Variants in KIAA1549L observed in about 807,000 individuals in gnomAD.
KIAA1549L encodes UPF0606 protein KIAA1549L.
KIAA1549L carries 88 observed loss-of-function variants against 160.7 expected under a neutral mutation model. The ratio of observed to expected loss-of-function variants is 0.55; its 90% CI spans 0.46 to 0.65. The LOEUF (loss-of-function observed/expected upper bound fraction) is 0.65, where lower values mean the gene tolerates loss of function less well. Ranked by LOEUF, KIAA1549L falls within the 30% of genes least tolerant of loss-of-function variation. KIAA1549L has a pLI of 0.00. For synonymous variants in KIAA1549L, 950 were observed against 976.7 expected (o/e 0.97, Z 0.51); for missense variants, 2,258 against 2,437.5 (o/e 0.93, Z 1.55).
chr11:33,617,133 C>CAAAA (rs59233344), intron 15 of KIAA1549L, among the ~76,000 whole-genome samples: 3,065 of 89,468 alleles, frequency 0.034, 139 homozygotes, highest in African/African-American at 0.11. Context: ...GAGATTCTAT[C>CAAAA]AAAAAAAAAA....
chr11:33,446,940 A>AC (rs1346878911), intron 1 of KIAA1549L, among the ~76,000 whole-genome samples: 2 of 152,040 alleles, frequency 1.3e-5, no homozygotes, highest in African/African-American at 4.8e-5. Context: ...TAGGGAAGGG[A>AC]CTCTACACAA....
intron 1 of KIAA1549L, among the ~76,000 whole-genome samples, chr11:33,399,727 T>C (rs996869743): frequency 3.9e-5 from 6 of 152,230 alleles, no homozygotes; most frequent in African/African-American, 1.4e-4. Context: ...TGTGCCTACC[T>C]TGGGCTTTTT....
chr11:33,391,528 C>T (rs766988911), intron 1 of KIAA1549L, among the ~76,000 whole-genome samples: 8 of 152,334 alleles, frequency 5.3e-5, no homozygotes, highest in Middle Eastern at 3.4e-3. Context: ...CCACTTCCGA[C>T]GGCGTGTCTG....
At chr11:33,385,881 T>C (rs1850163856) in intron 1 of KIAA1549L, among the ~76,000 whole-genome samples, 1 of 152,196 alleles carries the variant, frequency 6.6e-6, no homozygotes, top group Non-Finnish European at 1.5e-5. Context: ...CTTTGGCATA[T>C]AGTAATAGAA....
In KIAA1549L at chr11:33,660,882, G is replaced by T. The variant is rs1228811063; in HGVS notation, c.6027G>T (p.Val2009=). 2.0e-5 allele frequency: 33 copies of T among 1,613,820 alleles called. No individual in the cohort carries two copies. Among genetic ancestry groups the T allele is most frequent in the Non-Finnish European group, 2.8e-5 (33 of 1,179,844 alleles). The change falls in exon 20 of 21, where the codon GTG becomes GTT. Residue 2009 remains valine, a synonymous_variant. Transcript: ENST00000658780. ...LNYSGNTVPA[V]FAIPAANRPG... ...TGCCAGGTAATACGGTGCCAGCAGT[G>T]TTCGCCATCCCAGCTGCCAACAGAC...
chr11:33,563,406 G>A (rs536526698), intron 8 of KIAA1549L, among the ~76,000 whole-genome samples: 10 of 150,906 alleles, frequency 6.6e-5, no homozygotes, highest in Non-Finnish European at 1.3e-4. Context: ...GCCTGTAACA[G>A]GGTGGAGGAA....
At chr11:33,533,601 G>A (rs770454813) in intron 1 of KIAA1549L, among the ~76,000 whole-genome samples, 1 of 152,176 alleles carries the variant, frequency 6.6e-6, no homozygotes, top group African/African-American at 2.4e-5. Context: ...AAGCCTGATA[G>A]CCTTACTGGG....
intron 1 of KIAA1549L, among the ~76,000 whole-genome samples, chr11:33,438,325 C>T (rs1851422305): frequency 6.6e-6 from 1 of 152,224 alleles, no homozygotes; most frequent in South Asian, 2.1e-4. Flanking sequence ...TGATGTCCCA[C>T]TCTTGGCTTT....
In KIAA1549L at chr11:33,545,303, G is replaced by C. The variant is rs1245041974; in HGVS notation, c.3310G>C (p.Ala1104Pro). ...AGATGCTGTCCTTCCTGCTGCATCG[G>C]CTGCAGTGGTCACGACTGGCAAAAT... ...NTDAVLPAAS[A>P]AVVTTGKMAS... The change falls in exon 3 of 21, where the codon GCT becomes CCT. Residue 1104 changes from alanine to proline, a missense_variant. Transcript: ENST00000658780. 1.2e-6 allele frequency: 2 copies of C among 1,613,798 alleles called. No individual in the cohort carries two copies. Among genetic ancestry groups the C allele is most frequent in the Admixed American group, 1.7e-5 (1 of 60,004 alleles).
intron 1 of KIAA1549L, among the ~76,000 whole-genome samples, chr11:33,412,217 A>G (rs757884404): frequency 6.6e-6 from 1 of 152,178 alleles, no homozygotes; most frequent in East Asian, 1.9e-4. Context: ...CTAATGCTCT[A>G]TTTCTTACAT....
Position 33,516,237 on chromosome 11 carries a change from C to T in KIAA1549L, c.239-25565C>T, listed in dbSNP as rs1331263690. Reference sequence around the variant, plus strand: ...CGCAATCTCGGCTCACTGCAAGCTCCGCCTCTCGGGTTCACGCCATTCTCC... The same window carrying T: ...CGCAATCTCGGCTCACTGCAAGCTCTGCCTCTCGGGTTCACGCCATTCTCC... On this transcript the variant is annotated intron_variant, in intron 1 of 20. Transcript: ENST00000658780. Among the ~76,000 whole-genome samples the T allele has an allele frequency of 5.8e-4, 11 of 19,128 alleles. 4 individuals are homozygous for T. In the African/African-American group the frequency reaches 6.0e-3, roughly 10 times the overall value. 12.5% of individuals were successfully genotyped at this position (19,128 alleles called of 152,430 possible).
intron 1 of KIAA1549L, among the ~76,000 whole-genome samples, chr11:33,441,144 A>C (rs11823611): frequency 0.47 from 68,916 of 146,036 alleles, 16,123 homozygotes; most frequent in Middle Eastern, 0.53. Context: ...TTGTTCAGTT[A>C]CCACCTATGA....
chr11:33,655,567 G>A (rs968943302), intron 17 of KIAA1549L, among the ~76,000 whole-genome samples: 1 of 152,204 alleles, frequency 6.6e-6, no homozygotes, highest in Non-Finnish European at 1.5e-5. Context: ...CAAAGCCCTT[G>A]CCCTTATTAC....
At chr11:33,652,913 A>G (rs544849127) in intron 17 of KIAA1549L, among the ~76,000 whole-genome samples, 167 of 152,350 alleles carry the variant, frequency 1.1e-3, no homozygotes, top group African/African-American at 3.8e-3. Context: ...CTGTCTATGT[A>G]TTAGGGTCTG....
At chr11:33,391,113 A>G (rs994501469) in intron 1 of KIAA1549L, among the ~76,000 whole-genome samples, 1 of 152,242 alleles carries the variant, frequency 6.6e-6, no homozygotes, top group Non-Finnish European at 1.5e-5. Context: ...AACAGCTTCA[A>G]ATACTGTGTA....
chr11:33,452,189 C>T (rs1475516777), intron 1 of KIAA1549L, among the ~76,000 whole-genome samples: 1 of 152,206 alleles, frequency 6.6e-6, no homozygotes, highest in Non-Finnish European at 1.5e-5. Flanking sequence ...TTCTCCTGCC[C>T]TTCTCATATG....
chr11:33,591,088 AAAT>A (rs755466090), intron 11 of KIAA1549L, 146 bp from the exon 12 acceptor site: 22 of 659,854 alleles, frequency 3.3e-5, no homozygotes, highest in Non-Finnish European at 4.6e-5. Context: ...GAAGAGACGG[AAAT>A]AATGATGGGG....
At chr11:33,397,775 TC>T (rs762861823) in intron 1 of KIAA1549L, among the ~76,000 whole-genome samples, 21 of 151,828 alleles carry the variant, frequency 1.4e-4, no homozygotes, top group South Asian at 2.1e-4. Context: ...AACATTTTTT[TC>T]TATTTAAAAA....
intron 1 of KIAA1549L, among the ~76,000 whole-genome samples, chr11:33,512,787 T>C (rs999822907): frequency 9.2e-5 from 14 of 152,190 alleles, no homozygotes; most frequent in African/African-American, 3.4e-4. Context: ...ATCAGTTACA[T>C]GAACAAGGTA....
Sources: allele counts gnomAD v4.1 joint callset (sites outside exome capture counted in the v4.1 genomes callset), GRCh38; gene constraint gnomAD v4.1.1; transcripts MANE v1.5; gene names NCBI Gene and HGNC (gene_info 2026-07-23, HGNC 2026-07-21).